Variants in PDE11A observed in about 807,000 individuals in gnomAD.
The protein encoded by PDE11A is dual 3',5'-cyclic-AMP and -GMP phosphodiesterase 11A.
PDE11A carries 100 observed loss-of-function variants against 100.5 expected under a neutral mutation model. The ratio of observed to expected loss-of-function variants is 1.00; its 90% confidence interval spans 0.85 to 1.18. The LOEUF is 1.18. Among genes scored for constraint, PDE11A ranks in the 50% most tolerant of loss-of-function variants. The pLI, the probability that PDE11A is intolerant of heterozygous loss-of-function variation, is 0.00. For missense variants in PDE11A, 1,141 were observed against 1,152.6 expected, an observed-to-expected ratio of 0.99 and a Z score of 0.15; for synonymous variants, 381 against 420.8, an observed-to-expected ratio of 0.91 and a Z score of 1.16.
intron 9 of PDE11A, among the ~76,000 whole-genome samples, chr2:177,774,071 G>A (rs777432087): frequency 3.9e-5 from 6 of 152,078 alleles, no homozygotes; most frequent in Non-Finnish European, 7.4e-5. Context: ...TTACACACAG[G>A]GCACAGCGAG....
intron 2 of PDE11A, among the ~76,000 whole-genome samples, chr2:177,906,281 C>G (rs1353373338): frequency 6.6e-6 from 1 of 152,134 alleles, no homozygotes; most frequent in East Asian, 1.9e-4. Context: ...GAGGGCAGTG[C>G]AGTGCCCGCT....
intron 10 of PDE11A, among the ~76,000 whole-genome samples, chr2:177,738,062 C>T (rs1318811073): frequency 2.6e-5 from 4 of 152,182 alleles, no homozygotes; most frequent in Non-Finnish European, 5.9e-5. Flanking sequence ...CTTAGATACA[C>T]GTGCACATGG....
At chr2:177,966,341 C>T (rs1369552553) in intron 2 of PDE11A, among the ~76,000 whole-genome samples, 11 of 152,026 alleles carry the variant, frequency 7.2e-5, no homozygotes, top group Non-Finnish European at 1.6e-4. Context: ...TTATTTCTTT[C>T]TCTTGCTTGA....
At chr2:177,987,405 T>C (rs1377371149) in intron 2 of PDE11A, among the ~76,000 whole-genome samples, 2 of 152,240 alleles carry the variant, frequency 1.3e-5, no homozygotes, top group African/African-American at 4.8e-5. Context: ...ACACAGTCAC[T>C]GTTCTGAGGG....
intron 2 of PDE11A, among the ~76,000 whole-genome samples, chr2:177,963,832 C>T (rs1468910495): frequency 6.6e-6 from 1 of 152,094 alleles, no homozygotes; most frequent in African/African-American, 2.4e-5. Flanking sequence ...GGAGATGTTT[C>T]CAGTGGCCTC....
intron 2 of PDE11A, chr2:177,998,424 A>G (rs2086103866): frequency 1.0e-6 from 1 of 957,944 alleles, no homozygotes. Context: ...ATTGTTCACT[A>G]GGTTAAATTC....
At chr2:177,845,512 T>TGGCGGCCGGGC (rs1365077554) in intron 5 of PDE11A, among the ~76,000 whole-genome samples, 2 of 149,106 alleles carry the variant, frequency 1.3e-5, no homozygotes, top group Non-Finnish European at 3.0e-5. Context: ...CTAGATGGGA[T>TGGCGGCCGGGC]GGCGGCCGGG....
intron 2 of PDE11A, among the ~76,000 whole-genome samples, chr2:177,986,648 G>T (rs1262625462): frequency 2.6e-5 from 4 of 152,042 alleles, no homozygotes; most frequent in Non-Finnish European, 4.4e-5. Context: ...TGCCCAACAT[G>T]CTGAAACCCT....
chr2:177,826,101 C>T (rs1180149186), intron 6 of PDE11A, among the ~76,000 whole-genome samples: 1 of 152,212 alleles, frequency 6.6e-6, no homozygotes, highest in Non-Finnish European at 1.5e-5. Context: ...TGAGACAAAG[C>T]AGCCTTTCTA....
intron 9 of PDE11A, among the ~76,000 whole-genome samples, chr2:177,795,741 T>G (rs2082696602): frequency 6.6e-6 from 1 of 151,310 alleles, no homozygotes; most frequent in African/African-American, 2.4e-5. Context: ...TGTATATAGA[T>G]CAAATTAGGG....
chr2:177,837,546 T>C (rs905484526), intron 6 of PDE11A, among the ~76,000 whole-genome samples: 1 of 151,744 alleles, frequency 6.6e-6, no homozygotes, highest in Non-Finnish European at 1.5e-5. Context: ...CGATCTCAGC[T>C]CACTGCAAGC....
At chr2:177,920,874 A>G (rs2085030786) in intron 2 of PDE11A, among the ~76,000 whole-genome samples, 1 of 152,086 alleles carries the variant, frequency 6.6e-6, no homozygotes, top group Non-Finnish European at 1.5e-5. Context: ...CATCCTGGCT[A>G]ACACAGTGAA....
chr2:177,674,337 G>A (rs1477228448), intron 17 of PDE11A, among the ~76,000 whole-genome samples: 1 of 152,202 alleles, frequency 6.6e-6, no homozygotes, highest in African/African-American at 2.4e-5. Context: ...CTGGAGGCCG[G>A]GAGTTCTACA....
intron 1 of PDE11A, among the ~76,000 whole-genome samples, chr2:178,036,128 T>C (rs1016259233): frequency 3.9e-4 from 60 of 152,292 alleles, no homozygotes; most frequent in African/African-American, 1.3e-3. Context: ...GAAAACCCCA[T>C]TGTCTAAGCT....
chr2:177,903,555 G>T (rs1287960091), intron 3 of PDE11A, among the ~76,000 whole-genome samples: 1 of 152,192 alleles, frequency 6.6e-6, no homozygotes, highest in African/African-American at 2.4e-5. Context: ...ACACAAGAAT[G>T]CAAAGATTAA....
At chr2:177,825,544 T>C (rs2083214835) in intron 6 of PDE11A, among the ~76,000 whole-genome samples, 1 of 152,192 alleles carries the variant, frequency 6.6e-6, no homozygotes, top group Non-Finnish European at 1.5e-5. Context: ...TGTAACCATA[T>C]GAAAAGGCAA....
intron 19 of PDE11A, among the ~76,000 whole-genome samples, chr2:177,653,727 T>G (rs978869149): frequency 3.3e-5 from 5 of 152,218 alleles, no homozygotes; most frequent in Non-Finnish European, 7.3e-5. Context: ...GGACTCTCCC[T>G]CAGAGCCTTC....
At chr2:177,992,236 T>G (rs1053332502) in intron 2 of PDE11A, among the ~76,000 whole-genome samples, 8 of 151,338 alleles carry the variant, frequency 5.3e-5, no homozygotes, top group African/African-American at 1.9e-4. Flanking sequence ...CAAACAGGAT[T>G]CATCTCAGAA....
Position 178,009,445 on chromosome 2 carries a change from G to T in PDE11A, c.1071+4857C>A, listed in dbSNP as rs773761393. 2.0e-5 allele frequency among the ~76,000 whole-genome samples: 3 copies of T among 152,150 alleles called. No homozygotes were observed. In the South Asian group the frequency reaches 6.2e-4, roughly 32 times the overall value. On this transcript the variant is annotated intron_variant, in intron 2 of 19. Transcript: ENST00000286063. ...CTTAAATTATTAATATGTGAATATA[G>T]TAGGCTATATTTCATACAAACTCTC...
Sources: allele counts gnomAD v4.1 joint callset (sites outside exome capture counted in the v4.1 genomes callset), GRCh38; gene constraint gnomAD v4.1.1; transcripts MANE v1.5; gene names NCBI Gene and HGNC (gene_info 2026-07-23, HGNC 2026-07-21).